MDGA2: variants seen among roughly 807,000 people sequenced by gnomAD.
MDGA2 encodes MAM domain containing glycosylphosphatidylinositol anchor 2.
In MDGA2, 40 loss-of-function variants were observed where a neutral mutation model predicts 117.8. The ratio of observed to expected loss-of-function variants is 0.34; its 90% CI spans 0.26 to 0.44. MDGA2 has a LOEUF of 0.44. MDGA2 is among the 20% of genes least tolerant of loss of function. The pLI is 1.00. For synonymous variants in MDGA2, 452 were observed against 439.0 expected, an observed-to-expected ratio of 1.03 and a Z score of -0.37; for missense variants, 1,123 against 1,250.6, an observed-to-expected ratio of 0.90 and a Z score of 1.54.
intron 6 of MDGA2, among the ~76,000 whole-genome samples, chr14:47,084,101 C>G (rs1299326351): frequency 2.0e-5 from 3 of 152,108 alleles, no homozygotes; most frequent in African/African-American, 7.2e-5. Context: ...ATCCCAACAA[C>G]AGAAGAATGC....
chr14:47,376,012 A>G (rs897274167), intron 1 of MDGA2, among the ~76,000 whole-genome samples: 3 of 152,182 alleles, frequency 2.0e-5, no homozygotes, highest in Non-Finnish European at 4.4e-5. Flanking sequence ...TATTCCATGT[A>G]ATGCATGTTT....
chr14:47,420,622 T>C (rs1255357253), intron 1 of MDGA2, among the ~76,000 whole-genome samples: 4 of 152,090 alleles, frequency 2.6e-5, no homozygotes, highest in African/African-American at 7.2e-5. Context: ...ATGGGCTCAA[T>C]TGCTTGCAAA....
intron 5 of MDGA2, among the ~76,000 whole-genome samples, chr14:47,130,620 G>C (rs753841301): frequency 5.8e-4 from 89 of 152,186 alleles, no homozygotes; most frequent in South Asian, 1.0e-3. Flanking sequence ...TGAGTTAGTT[G>C]GATTTGCTGA....
At chr14:46,864,046 C>A (rs1881619939) in intron 14 of MDGA2, among the ~76,000 whole-genome samples, 1 of 151,360 alleles carries the variant, frequency 6.6e-6, no homozygotes, top group Non-Finnish European at 1.5e-5. Flanking sequence ...GGTATATCTC[C>A]CGATGCTATC....
rs772613653 is a variant in MDGA2, at chr14:46,882,085, A to T, written c.2375T>A (p.Phe792Tyr). ...YEVRLTPLTKFGEGDSTIRVI... is the reference protein window; with the variant it reads ...YEVRLTPLTKYGEGDSTIRVI... ...ACGAATTGTTGAATCTCCTTCACCA[A>T]ATTTGGTGAGAGGAGTCAGTCGGAC... The change falls in exon 11 of 17, where the codon TTT (phenylalanine) becomes TAT (tyrosine). Residue 792 changes from phenylalanine (F) to tyrosine (Y), a missense_variant. Coordinates refer to ENST00000399232, the MANE Select transcript of MDGA2 (RefSeq NM_001113498.3). 10 of 1,610,848 alleles carry T rather than the reference A, an allele frequency of 6.2e-6. No individual in the cohort carries two copies. The highest frequency in any genetic ancestry group is 1.7e-5 in the Admixed American group (1 of 59,852).
intron 1 of MDGA2, among the ~76,000 whole-genome samples, chr14:47,563,559 G>A (rs1895855094): frequency 7.9e-6 from 1 of 127,138 alleles, no homozygotes; most frequent in Non-Finnish European, 1.6e-5. Flanking sequence ...AATTAGAATA[G>A]CAACCCCTGC....
rs61995379 is a variant in MDGA2 at position 47,177,208 on chromosome 14, A to G, written c.596-32934T>C. Among the ~76,000 whole-genome samples the G allele has an allele frequency of 1.5e-3, 223 of 152,232 alleles. 1 individual carries two copies. Among genetic ancestry groups the G allele is most frequent in the East Asian group, 2.7e-3 (14 of 5,188 alleles). ...ACACTTTTACACTGTTGGTGGGACT[A>G]TAAACTAGTTCAACCATTGTGGAAG... On this transcript the variant is annotated intron_variant, in intron 3 of 16. Coordinates refer to ENST00000399232, the MANE Select transcript of MDGA2 (RefSeq NM_001113498.3).
intron 1 of MDGA2, among the ~76,000 whole-genome samples, chr14:47,504,644 C>G (rs1894472741): frequency 6.6e-6 from 1 of 151,996 alleles, no homozygotes; most frequent in Admixed American, 6.6e-5. Context: ...CAATGAGATA[C>G]AGCTTCCTTC....
At chr14:46,968,813 G>C (rs1305391028) in intron 8 of MDGA2, among the ~76,000 whole-genome samples, 1 of 149,114 alleles carries the variant, frequency 6.7e-6, no homozygotes, top group Admixed American at 6.7e-5. Flanking sequence ...CTCCAGCCTA[G>C]GAAACAGAGC....
chr14:47,364,767 T>G (rs1891196437), intron 1 of MDGA2, among the ~76,000 whole-genome samples: 2 of 152,240 alleles, frequency 1.3e-5, no homozygotes, highest in South Asian at 4.1e-4. Flanking sequence ...GATGCTAATC[T>G]GCATTGTACA....
chr14:47,128,844 G>A (rs1393377307), intron 5 of MDGA2, among the ~76,000 whole-genome samples: 1 of 151,660 alleles, frequency 6.6e-6, no homozygotes, highest in Non-Finnish European at 1.5e-5. Flanking sequence ...ACAGTCGCCT[G>A]CCACCATGCC....
At chr14:47,121,423 TTTAC>T (rs1232556551) in intron 5 of MDGA2, among the ~76,000 whole-genome samples, 1 of 152,074 alleles carries the variant, frequency 6.6e-6, no homozygotes, top group Non-Finnish European at 1.5e-5. Context: ...ATATTTTATA[TTTAC>T]TTATTTTGCC....
At chr14:47,512,715 T>C (rs1411537573) in intron 1 of MDGA2, among the ~76,000 whole-genome samples, 1 of 152,160 alleles carries the variant, frequency 6.6e-6, no homozygotes, top group Non-Finnish European at 1.5e-5. Context: ...TCTTATAAAG[T>C]AGATTCCCTA....
chr14:46,869,098 T>G (rs1881893304), intron 14 of MDGA2, among the ~76,000 whole-genome samples: 1 of 151,910 alleles, frequency 6.6e-6, no homozygotes, highest in South Asian at 2.1e-4. Flanking sequence ...TATCAGTTCT[T>G]TTACAGTCTC....
At chr14:47,585,674 G>T (rs1566527549) in intron 1 of MDGA2, among the ~76,000 whole-genome samples, 1 of 151,038 alleles carries the variant, frequency 6.6e-6, no homozygotes, top group Non-Finnish European at 1.5e-5. Context: ...CTAATAGGCT[G>T]CCATAATTTC....
chr14:46,955,077 A>G (rs538344461), intron 9 of MDGA2, among the ~76,000 whole-genome samples: 1 of 152,250 alleles, frequency 6.6e-6, no homozygotes, highest in South Asian at 2.1e-4. Context: ...ATTGAAGTAT[A>G]TGTTTTTCCA....
chr14:47,578,826 T>C (rs1594927213), intron 1 of MDGA2, among the ~76,000 whole-genome samples: 1 of 152,164 alleles, frequency 6.6e-6, no homozygotes, highest in South Asian at 2.1e-4. Flanking sequence ...TGTTGATACA[T>C]CACAATTTAT....
At chr14:47,503,958 T>C (rs1894456877) in intron 1 of MDGA2, among the ~76,000 whole-genome samples, 1 of 152,184 alleles carries the variant, frequency 6.6e-6, no homozygotes, top group African/African-American at 2.4e-5. Flanking sequence ...TCTCATCTTT[T>C]ATAGAGCCTA....
chr14:46,915,343 G>A (rs981249089), intron 10 of MDGA2, among the ~76,000 whole-genome samples: 21 of 152,028 alleles, frequency 1.4e-4, no homozygotes, highest in African/African-American at 4.6e-4. Context: ...ACACAGAAAT[G>A]ACAAATACTC....
Sources: allele counts gnomAD v4.1 joint callset (sites outside exome capture counted in the v4.1 genomes callset), GRCh38; gene constraint gnomAD v4.1.1; transcripts MANE v1.5; gene names NCBI Gene and HGNC (gene_info 2026-07-23, HGNC 2026-07-21).